Variants in CDYL observed in about 807,000 individuals in gnomAD.
CDYL encodes the protein chromodomain Y like.
In CDYL, 8 loss-of-function variants were observed where a neutral mutation model predicts 47.3. The observed-to-expected ratio is 0.17, with a 90% CI of 0.10 to 0.31. The LOEUF (loss-of-function observed/expected upper bound fraction) is 0.31, where lower values mean the gene tolerates loss of function less well. Ranked by LOEUF, CDYL falls within the 10% of genes least tolerant of loss-of-function variation. The pLI is 1.00. For missense variants in CDYL, 471 were observed against 701.4 expected, an observed-to-expected ratio of 0.67 and a Z score of 3.71; for synonymous variants, 266 against 265.0, an observed-to-expected ratio of 1.00 and a Z score of -0.04.
chr6:4,826,934 C>G (rs1581193352), intron 1 of CDYL, among the ~76,000 whole-genome samples: 1 of 152,272 alleles, frequency 6.6e-6, no homozygotes, highest in Non-Finnish European at 1.5e-5. Flanking sequence ...TATTGTAAAG[C>G]TATCTTTTTC....
At chr6:4,725,701 C>T (rs1021392367) in intron 2 of CDYL, among the ~76,000 whole-genome samples, 25 of 152,350 alleles carry the variant, frequency 1.6e-4, no homozygotes, top group Admixed American at 1.0e-3. Context: ...CACACCTTCC[C>T]GCAAGCTGAG....
intron 1 of CDYL, among the ~76,000 whole-genome samples, chr6:4,869,205 C>T (rs1404130251): frequency 3.3e-5 from 5 of 151,974 alleles, no homozygotes; most frequent in Non-Finnish European, 7.4e-5. Flanking sequence ...AAGCGATTCT[C>T]CTGTCTCGGC....
At chr6:4,768,152 C>T (rs944353495) in intron 3 of CDYL, among the ~76,000 whole-genome samples, 1 of 152,188 alleles carries the variant, frequency 6.6e-6, no homozygotes, top group Non-Finnish European at 1.5e-5. Context: ...AAGCCCTTTC[C>T]TAAGCCTGGG....
chr6:4,856,583 G>C (rs570796472), intron 1 of CDYL, among the ~76,000 whole-genome samples: 1 of 152,190 alleles, frequency 6.6e-6, no homozygotes, highest in East Asian at 1.9e-4. Context: ...GACAGTCGGG[G>C]CCAGAACAAT....
At chr6:4,835,437 G>A (rs1760270999) in intron 1 of CDYL, among the ~76,000 whole-genome samples, 1 of 152,166 alleles carries the variant, frequency 6.6e-6, no homozygotes, top group African/African-American at 2.4e-5. Flanking sequence ...TGGAAGTTTT[G>A]TCTCAGAGGA....
chr6:4,835,255 G>A (rs1760264472), intron 1 of CDYL, among the ~76,000 whole-genome samples: 3 of 152,048 alleles, frequency 2.0e-5, no homozygotes, highest in African/African-American at 7.3e-5. Flanking sequence ...TTTTGGTGTG[G>A]ATGTCCTTTC....
At chr6:4,950,941 A>AT in intron 5 of CDYL, among the ~76,000 whole-genome samples, 1 of 151,660 alleles carries the variant, frequency 6.6e-6, no homozygotes, top group Middle Eastern at 3.4e-3. Context: ...CAAAAAAAAA[A>AT]AAAAAAACTT....
chr6:4,776,836 G>A (rs1285736581), intron 1 of CDYL, 29 bp downstream of exon 1: 23 of 786,990 alleles, frequency 2.9e-5, no homozygotes, highest in Non-Finnish European at 3.2e-5. Context: ...GCCTCGGGCC[G>A]CCCCCCGCCC....
chr6:4,850,377 C>T (rs1337733329), intron 1 of CDYL, among the ~76,000 whole-genome samples: 2 of 152,192 alleles, frequency 1.3e-5, no homozygotes, highest in Non-Finnish European at 2.9e-5. Flanking sequence ...AGTTTGGTGA[C>T]TTTTGTCAAT....
chr6:4,901,735 G>A (rs1283828610), intron 2 of CDYL, among the ~76,000 whole-genome samples: 4 of 152,062 alleles, frequency 2.6e-5, no homozygotes, highest in Admixed American at 6.5e-5. Flanking sequence ...CAAGACTTTC[G>A]CTTCTGTGTC....
intron 5 of CDYL, 31 bp downstream of exon 5, chr6:4,943,787 AGTCATTCT>A: frequency 2.8e-6 from 4 of 1,410,738 alleles, no homozygotes; most frequent in Non-Finnish European, 3.9e-6. Flanking sequence ...AAAAAAAAAA[AGTCATTCT>A]AGAAAGCTTC....
chr6:4,952,806 C>T (rs1207073987), intron 6 of CDYL, among the ~76,000 whole-genome samples: 3 of 152,060 alleles, frequency 2.0e-5, no homozygotes, highest in Non-Finnish European at 2.9e-5. Context: ...CTCACTCTGT[C>T]GCTCAGGCTT....
chr6:4,758,117 A>C (rs1040302359), intron 3 of CDYL, among the ~76,000 whole-genome samples: 1 of 151,858 alleles, frequency 6.6e-6, no homozygotes, highest in African/African-American at 2.4e-5. Context: ...AGGCAGGTGG[A>C]TCATTTGAGG....
At chr6:4,726,780 C>T (rs2127412600) in intron 2 of CDYL, among the ~76,000 whole-genome samples, 1 of 151,954 alleles carries the variant, frequency 6.6e-6, no homozygotes, top group South Asian at 2.1e-4. Context: ...ATTCCTCACA[C>T]AATGATATCA....
chr6:4,746,538 G>A (rs1185375785), intron 3 of CDYL, among the ~76,000 whole-genome samples: 79 of 152,266 alleles, frequency 5.2e-4, no homozygotes, highest in Non-Finnish European at 7.4e-5. Flanking sequence ...ATGCTGCTGA[G>A]GAGGTGGAGA....
intron 1 of CDYL, among the ~76,000 whole-genome samples, chr6:4,707,338 T>C (rs1301488616): frequency 6.6e-6 from 1 of 152,176 alleles, no homozygotes; most frequent in East Asian, 1.9e-4. Flanking sequence ...TGCAGTGGCG[T>C]ACAGTCTTGG....
At chr6:4,896,132 G>A (rs549696032) in intron 2 of CDYL, among the ~76,000 whole-genome samples, 1 of 152,192 alleles carries the variant, frequency 6.6e-6, no homozygotes, top group Admixed American at 6.5e-5. Context: ...AGCTGTTAGG[G>A]AGCATTTTTA....
intron 1 of CDYL, among the ~76,000 whole-genome samples, chr6:4,817,021 G>T (rs1250580033): frequency 6.6e-6 from 1 of 152,154 alleles, no homozygotes; most frequent in Non-Finnish European, 1.5e-5. Flanking sequence ...TAAGTCATGA[G>T]CATTTCCTGA....
chr6:4,718,265 T>C (rs1387232432), intron 2 of CDYL, among the ~76,000 whole-genome samples: 3 of 116,132 alleles, frequency 2.6e-5, no homozygotes, highest in Non-Finnish European at 5.3e-5. Flanking sequence ...TTGTCATTGG[T>C]GGTGGTGGTG....
Sources: gnomAD v4.1 joint callset for allele counts (sites outside exome capture counted in the v4.1 genomes callset) on GRCh38, gnomAD v4.1.1 for gene constraint, MANE v1.5 for transcripts, NCBI Gene and HGNC (gene_info 2026-07-23, HGNC 2026-07-21) for gene names.